The following PPM1E variants were observed in gnomAD, a reference collection of about 807,000 sequenced individuals.
PPM1E encodes protein phosphatase 1E.
A neutral mutation model predicts 65.9 loss-of-function variants in PPM1E; 20 were observed. The ratio of observed to expected loss-of-function variants is 0.30; its 90% CI spans 0.21 to 0.44. The LOEUF is 0.44. Ranked by LOEUF, PPM1E falls within the 20% of genes least tolerant of loss-of-function variation. PPM1E has a pLI of 1.00. For synonymous variants in PPM1E, 352 were observed against 374.9 expected, an observed-to-expected ratio of 0.94 and a Z score of 0.70; for missense variants, 713 against 953.1, an observed-to-expected ratio of 0.75 and a Z score of 3.32.
At chr17:58,828,808 G>A (rs551037747) in intron 1 of PPM1E, among the ~76,000 whole-genome samples, 3 of 152,108 alleles carry the variant, frequency 2.0e-5, no homozygotes, top group Admixed American at 6.5e-5. Flanking sequence ...TGTCTCTAAA[G>A]AATGTTTCAT....
At chr17:58,943,437 G>C (rs2052102069) in intron 1 of PPM1E, among the ~76,000 whole-genome samples, 1 of 152,158 alleles carries the variant, frequency 6.6e-6, no homozygotes, top group African/African-American at 2.4e-5. Context: ...AGATGAAAAA[G>C]TCATGCCATC....
chr17:58,765,455 CG>C (rs1481395261), intron 1 of PPM1E, among the ~76,000 whole-genome samples: 3 of 151,762 alleles, frequency 2.0e-5, no homozygotes, highest in African/African-American at 7.3e-5. Context: ...GGATTACAGG[CG>C]TGAGTCACCA....
rs138211677 is a variant in PPM1E, at chr17:58,980,581, A to G, written c.1818A>G (p.Leu606=). 2.2e-5 allele frequency: 36 copies of G among 1,614,086 alleles called. No homozygotes were observed. Among genetic ancestry groups the G allele is most frequent in the Non-Finnish European group, 3.1e-5 (36 of 1,180,040 alleles). ...AGAAAGCAAATCTTATTAATGAGTT[A>G]ATGATGGAGAAAAAATCAGTTCAGT... ...APKKANLINE[L]MMEKKSVQSS... Residue 606 remains leucine (L), a synonymous_variant, in exon 7 of 7, where the codon TTA becomes TTG. Transcript: ENST00000308249. The surrounding 1 kb of genome is among the most constrained non-coding windows in gnomAD (Gnocchi z 4.7).
At chr17:58,930,322 G>A (rs2051878469) in intron 1 of PPM1E, among the ~76,000 whole-genome samples, 1 of 150,846 alleles carries the variant, frequency 6.6e-6, no homozygotes, top group South Asian at 2.1e-4. Flanking sequence ...AAATTAGCTG[G>A]ATGTGGTTGC....
At chr17:58,826,338 G>A (rs993651272) in intron 1 of PPM1E, among the ~76,000 whole-genome samples, 2 of 151,322 alleles carry the variant, frequency 1.3e-5, no homozygotes, top group African/African-American at 4.9e-5. Flanking sequence ...AAAGAAAGCG[G>A]CTTTGATGTT....
intron 1 of PPM1E, among the ~76,000 whole-genome samples, chr17:58,935,612 G>A (rs896313207): frequency 2.0e-5 from 3 of 152,178 alleles, no homozygotes; most frequent in Non-Finnish European, 2.9e-5. Flanking sequence ...TGACAAGAAA[G>A]ATAGTTACCA....
At chr17:58,789,146 TTG>T (rs2050131839) in intron 1 of PPM1E, among the ~76,000 whole-genome samples, 1 of 152,214 alleles carries the variant, frequency 6.6e-6, no homozygotes, top group Non-Finnish European at 1.5e-5. Flanking sequence ...CTCTAGAAGT[TTG>T]TTTATACTGA....
At chr17:58,827,357 T>C (rs1239315788) in intron 1 of PPM1E, among the ~76,000 whole-genome samples, 1 of 151,624 alleles carries the variant, frequency 6.6e-6, no homozygotes, top group Non-Finnish European at 1.5e-5. Context: ...CGGGCTGGTC[T>C]CCTGACCTCT....
chr17:58,816,453 C>T (rs2050415592), intron 1 of PPM1E, among the ~76,000 whole-genome samples: 1 of 151,590 alleles, frequency 6.6e-6, no homozygotes. Flanking sequence ...ATTAGGTACA[C>T]TCACAATGTT....
At position 58,874,544 on chromosome 17, in the gene PPM1E, A is replaced by T. The variant is rs372410699; in HGVS notation, c.465-81105A>T. ...TATGTCTGAGAATATAAGATGAATT[A>T]TGTTTATACTGTAAGATATCTTTGC... On this transcript the variant is annotated intron_variant, in intron 1 of 6. Coordinates refer to ENST00000308249, the MANE Select transcript of PPM1E (RefSeq NM_014906.5). Among the ~76,000 whole-genome samples the T allele has an allele frequency of 2.0e-5, 3 of 152,212 alleles. No homozygotes were observed. The East Asian group carries it at 5.8e-4, about 29-fold the overall frequency.
At chr17:58,946,404 A>G (rs2052151094) in intron 1 of PPM1E, among the ~76,000 whole-genome samples, 1 of 152,134 alleles carries the variant, frequency 6.6e-6, no homozygotes. Flanking sequence ...TTATTATTGA[A>G]ATATAAGGAT....
intron 1 of PPM1E, among the ~76,000 whole-genome samples, chr17:58,889,482 C>T (rs1245712910): frequency 6.6e-6 from 1 of 152,064 alleles, no homozygotes; most frequent in Non-Finnish European, 1.5e-5. Flanking sequence ...GCTTGTAATC[C>T]CAGCTACTTG....
chr17:58,969,510 C>G, intron 3 of PPM1E, 29 bp from the exon 4 acceptor site: 1 of 1,611,584 alleles, frequency 6.2e-7, no homozygotes, highest in Non-Finnish European at 8.5e-7. Flanking sequence ...TACCCAACTC[C>G]CATAACTGTT....
chr17:58,865,359 C>T (rs2050989787), intron 1 of PPM1E, among the ~76,000 whole-genome samples: 1 of 151,218 alleles, frequency 6.6e-6, no homozygotes, highest in African/African-American at 2.4e-5. Flanking sequence ...GCACTCCAGC[C>T]TGGTGACAGA....
chr17:58,830,584 G>A (rs1056400999), intron 1 of PPM1E, among the ~76,000 whole-genome samples: 2 of 152,074 alleles, frequency 1.3e-5, no homozygotes, highest in Non-Finnish European at 2.9e-5. Context: ...GGGATTACAG[G>A]TGTGAACCAC....
chr17:58,896,304 G>T (rs531058861), intron 1 of PPM1E, among the ~76,000 whole-genome samples: 3 of 152,174 alleles, frequency 2.0e-5, no homozygotes, highest in African/African-American at 7.2e-5. Flanking sequence ...GAGAAGTCTG[G>T]CTGGGCATGG....
At chr17:58,849,237 A>AT (rs1278718555) in intron 1 of PPM1E, among the ~76,000 whole-genome samples, 1 of 152,060 alleles carries the variant, frequency 6.6e-6, no homozygotes, top group Non-Finnish European at 1.5e-5. Context: ...GGATTCATCG[A>AT]TTTTTTTGAA....
At chr17:58,967,799 A>T (rs12947785) in intron 3 of PPM1E, among the ~76,000 whole-genome samples, 1 of 148,510 alleles carries the variant, frequency 6.7e-6, no homozygotes, top group Non-Finnish European at 1.5e-5. Flanking sequence ...AGCATTCTTT[A>T]TTTCTTTTTT....
chr17:58,756,093 G>GC lies in PPM1E; in HGVS notation c.98dup (p.Glu34GlyfsTer19). The GC allele has an allele frequency of 1.5e-6, 2 of 1,323,038 alleles. No individual in the cohort carries two copies. The highest frequency in any genetic ancestry group is 2.1e-6 in the Non-Finnish European group (2 of 970,902). 82.0% of individuals were successfully genotyped at this position (1,323,038 alleles called of 1,614,324 possible). A position where few individuals can be genotyped will look rare whatever the true frequency, so the allele number is the denominator to read the frequency against. ...GACCGTGCGGCGGCGGCGAGCCGGA[G>GC]CCGGAACCCGAACCCGAACCCGAAC... is the stretch of plus-strand genomic sequence containing the variant. On this transcript the variant is annotated frameshift_variant, in exon 1 of 7. Coordinates refer to ENST00000308249, the MANE Select transcript of PPM1E (RefSeq NM_014906.5). LOFTEE classifies it high-confidence loss of function.
Sources: gnomAD v4.1 joint callset for allele counts (sites outside exome capture counted in the v4.1 genomes callset) on GRCh38, gnomAD v4.1.1 for gene constraint, Gnocchi (gnomAD v3.1) non-coding constraint, MANE v1.5 for transcripts, NCBI Gene and HGNC (gene_info 2026-07-23, HGNC 2026-07-21) for gene names.